PPP1R9A: variants seen among roughly 807,000 people sequenced by gnomAD.
The protein encoded by PPP1R9A is protein phosphatase 1 regulatory subunit 9A.
PPP1R9A carries 59 observed loss-of-function variants against 141.9 expected under a neutral mutation model. The ratio of observed to expected loss-of-function variants is 0.42; its 90% CI spans 0.34 to 0.52. The LOEUF is 0.52. PPP1R9A is among the 20% of genes least tolerant of loss of function. The pLI, the probability that PPP1R9A is intolerant of heterozygous loss-of-function variation, is 0.10. For missense variants in PPP1R9A, 1,444 were observed against 1,611.9 expected, an observed-to-expected ratio of 0.90 and a Z score of 1.78; for synonymous variants, 500 against 569.7, an observed-to-expected ratio of 0.88 and a Z score of 1.74.
chr7:95,119,754 G>A (rs182402959), intron 3 of PPP1R9A, among the ~76,000 whole-genome samples: 72 of 151,770 alleles, frequency 4.7e-4, no homozygotes, highest in Non-Finnish European at 8.5e-4. Flanking sequence ...GTGCCCAGGC[G>A]CTTCATTGGT....
In PPP1R9A at chr7:94,956,418, C is replaced by G. The variant is rs79399000; in HGVS notation, c.1395+44910C>G. On this transcript the variant is annotated intron_variant, in intron 2 of 19. Transcript: ENST00000433360. ...TATTCATGTTGAATTTCATATTATT[C>G]TATTTAATTTATCTAAACAAATGGA... Among the ~76,000 whole-genome samples the G allele has an allele frequency of 7.4e-3, 1,127 of 152,178 alleles. 18 individuals are homozygous for G. The highest frequency in any genetic ancestry group is 0.025 in the African/African-American group (1,051 of 41,544).
chr7:95,123,671 C>T (rs1422684627), intron 4 of PPP1R9A, among the ~76,000 whole-genome samples: 1 of 151,512 alleles, frequency 6.6e-6, no homozygotes, highest in African/African-American at 2.4e-5. Flanking sequence ...CAAAAAAAAA[C>T]TTCATGTGAT....
At chr7:95,001,761 G>A (rs1802961418) in intron 2 of PPP1R9A, among the ~76,000 whole-genome samples, 2 of 152,088 alleles carry the variant, frequency 1.3e-5, no homozygotes, top group South Asian at 4.1e-4. Context: ...TACATTAGAA[G>A]TTTTCTAAAT....
rs142806024 is a variant in PPP1R9A at position 95,276,361 on chromosome 7, C to T, written c.3296+2193C>T. On this transcript the variant is annotated intron_variant, in intron 16 of 19. Coordinates refer to ENST00000433360, the MANE Select transcript of PPP1R9A (RefSeq NM_001166160.2). The stretch of plus-strand genomic sequence containing the variant: ...CTTGATTGTGTTGGTGAGTGCCTGC[C>T]CACCTCACTATAGGCAAAACCACAG... Among the ~76,000 whole-genome samples, 225 of 152,198 alleles carry T rather than the reference C, an allele frequency of 1.5e-3. 1 individual carries two copies. The highest frequency in any genetic ancestry group is 5.2e-3 in the African/African-American group (216 of 41,536).
intron 2 of PPP1R9A, among the ~76,000 whole-genome samples, chr7:95,090,662 G>A (rs1017078023): frequency 1.3e-5 from 2 of 151,794 alleles, no homozygotes; most frequent in Non-Finnish European, 2.9e-5. Context: ...GCACAAATTA[G>A]CCAGGTGTGG....
At chr7:95,093,463 A>T (rs539159828) in intron 2 of PPP1R9A, among the ~76,000 whole-genome samples, 1 of 152,322 alleles carries the variant, frequency 6.6e-6, no homozygotes, top group East Asian at 1.9e-4. Context: ...ACAACAGTAA[A>T]GCTAATTACC....
chr7:95,100,959 T>C (rs1403836185), intron 2 of PPP1R9A, among the ~76,000 whole-genome samples: 1 of 148,848 alleles, frequency 6.7e-6, no homozygotes, highest in East Asian at 2.0e-4. Flanking sequence ...TTCACGCCAT[T>C]CTCCTGCCTC....
rs114059765 is a variant in PPP1R9A, at chr7:95,274,383, A to T, written c.3296+215A>T. 6.6e-3 allele frequency among the ~76,000 whole-genome samples: 1,002 copies of T among 152,324 alleles called. 20 individuals carry two copies. Among genetic ancestry groups the T allele is most frequent in the African/African-American group, 0.023 (951 of 41,568 alleles). On this transcript the variant is annotated intron_variant, in intron 16 of 19. Transcript: ENST00000433360. ...GGCATATCCATTGGTTCTTAATTGC[A>T]GAATTATGGCCACATGAACCATTTC... is the stretch of plus-strand genomic sequence containing the variant.
intron 2 of PPP1R9A, among the ~76,000 whole-genome samples, chr7:95,012,209 C>T (rs535603931): frequency 1.3e-5 from 2 of 152,122 alleles, no homozygotes; most frequent in South Asian, 2.1e-4. Context: ...GGAAGCATAG[C>T]GGCCTCTGCT....
intron 2 of PPP1R9A, among the ~76,000 whole-genome samples, chr7:95,031,627 AC>A (rs1022620380): frequency 2.6e-5 from 4 of 152,042 alleles, no homozygotes; most frequent in African/African-American, 9.7e-5. Flanking sequence ...CTGATGGTGT[AC>A]ACCTGTAATC....
intron 16 of PPP1R9A, among the ~76,000 whole-genome samples, chr7:95,276,278 A>G (rs1803170450): frequency 6.6e-6 from 1 of 152,140 alleles, no homozygotes; most frequent in Non-Finnish European, 1.5e-5. Context: ...GAATTTTGCC[A>G]TAGTAGCCAG....
chr7:94,972,951 C>T (rs117788069), intron 2 of PPP1R9A, among the ~76,000 whole-genome samples: 317 of 152,228 alleles, frequency 2.1e-3, no homozygotes, highest in Non-Finnish European at 3.5e-3. Flanking sequence ...CATTCCATAA[C>T]AGTTATAAAG....
intron 2 of PPP1R9A, among the ~76,000 whole-genome samples, chr7:95,050,098 T>C (rs1810582959): frequency 6.6e-6 from 1 of 152,188 alleles, no homozygotes; most frequent in Non-Finnish European, 1.5e-5. Context: ...CCAAAGTGGC[T>C]GTACCAGCAA....
At chr7:94,912,804 A>C (rs1274717147) in intron 2 of PPP1R9A, among the ~76,000 whole-genome samples, 1 of 152,182 alleles carries the variant, frequency 6.6e-6, no homozygotes. Flanking sequence ...CTGTAGTTTA[A>C]AATAAACTAC....
intron 2 of PPP1R9A, among the ~76,000 whole-genome samples, chr7:95,107,495 C>G (rs932611816): frequency 6.6e-6 from 1 of 151,982 alleles, no homozygotes; most frequent in Non-Finnish European, 1.5e-5. Flanking sequence ...TTTCTTTTGG[C>G]ACTTTTTATA....
At chr7:95,255,264 C>T (rs1799419698) in intron 12 of PPP1R9A, among the ~76,000 whole-genome samples, 1 of 152,040 alleles carries the variant, frequency 6.6e-6, no homozygotes, top group African/African-American at 2.4e-5. Context: ...ATTGGATTTC[C>T]TAGAAAAGTC....
intron 2 of PPP1R9A, among the ~76,000 whole-genome samples, chr7:94,970,530 T>C (rs1563063892): frequency 1.3e-5 from 2 of 152,064 alleles, no homozygotes; most frequent in Non-Finnish European, 2.9e-5. Flanking sequence ...TGAGATGAGC[T>C]GCGTACCTCG....
At chr7:95,198,042 A>G (rs1366478961) in intron 5 of PPP1R9A, among the ~76,000 whole-genome samples, 33 of 152,220 alleles carry the variant, frequency 2.2e-4, no homozygotes, top group Admixed American at 2.2e-3. Context: ...TCTATTTTGT[A>G]TGGCATCAAA....
intron 2 of PPP1R9A, among the ~76,000 whole-genome samples, chr7:94,971,870 G>T (rs574690750): frequency 1.3e-5 from 2 of 152,236 alleles, no homozygotes; most frequent in South Asian, 2.1e-4. Flanking sequence ...TAGGATATAA[G>T]AATTCTTTCT....
Sources: allele counts gnomAD v4.1 joint callset (sites outside exome capture counted in the v4.1 genomes callset), GRCh38; gene constraint gnomAD v4.1.1; transcripts MANE v1.5; gene names NCBI Gene and HGNC (gene_info 2026-07-23, HGNC 2026-07-21).